RTF1: variants seen among roughly 807,000 people sequenced by gnomAD.
RTF1 encodes the protein RTF1 homolog, Paf1/RNA polymerase II complex component.
RTF1 carries 10 observed loss-of-function variants against 95.7 expected under a neutral mutation model. That is an observed-to-expected ratio of 0.10 (90% CI 0.06 to 0.18). The LOEUF (loss-of-function observed/expected upper bound fraction) is 0.18, where lower values mean the gene tolerates loss of function less well. Ranked by LOEUF, RTF1 falls within the 10% of genes least tolerant of loss-of-function variation. RTF1 has a pLI of 1.00. For missense variants in RTF1, 458 were observed against 875.6 expected, an observed-to-expected ratio of 0.52 and a Z score of 6.02; for synonymous variants, 305 against 311.8, an observed-to-expected ratio of 0.98 and a Z score of 0.23.
rs376712491 is a variant in RTF1 at position 41,461,474 on chromosome 15, A to T, written c.663-3297A>T. Reference sequence around the variant, plus strand: ...TGGGATCACAGGCGTGAGCCACCACACCGGCCTGGCTAATTTTTCTTTCTT... The same window carrying T: ...TGGGATCACAGGCGTGAGCCACCACTCCGGCCTGGCTAATTTTTCTTTCTT... On this transcript the variant is annotated intron_variant, in intron 4 of 17. Transcript: ENST00000389629. 3.5e-3 allele frequency among the ~76,000 whole-genome samples: 489 copies of T among 138,018 alleles called. 3 individuals are homozygous for T. The highest frequency in any genetic ancestry group is 0.013 in the African/African-American group (466 of 37,222). The allele number at this position is 138,018 out of a possible 152,430, so 90.5% of individuals were successfully genotyped here. A position where few individuals can be genotyped will look rare whatever the true frequency, so the allele number is the denominator to read the frequency against.
chr15:41,428,254 T>C (rs1279804155), intron 1 of RTF1, among the ~76,000 whole-genome samples: 1 of 135,238 alleles, frequency 7.4e-6, no homozygotes, highest in East Asian at 2.1e-4. Context: ...AATACTGATA[T>C]CCCTTTTTTT....
chr15:41,454,190 G>A (rs1424134652), intron 3 of RTF1, among the ~76,000 whole-genome samples: 3 of 151,936 alleles, frequency 2.0e-5, no homozygotes, highest in African/African-American at 7.3e-5. Flanking sequence ...TCTGTGTCCC[G>A]GGGTTCAAGA....
chr15:41,467,657 G>C (rs757193416), intron 6 of RTF1, among the ~76,000 whole-genome samples: 58 of 152,204 alleles, frequency 3.8e-4, no homozygotes, highest in Non-Finnish European at 5.9e-4. Context: ...GGAGGTTGCA[G>C]TGAGCTGAGA....
chr15:41,449,227 A>ATTTTTTTTTTTTTTTTTTTT (rs34660598), intron 2 of RTF1, among the ~76,000 whole-genome samples: 12 of 109,296 alleles, frequency 1.1e-4, no homozygotes, highest in African/African-American at 1.9e-4. Context: ...AGGCAGGTGA[A>ATTTTTTTTTTTTTTTTTTTT]TTTTTTTTTT....
At chr15:41,452,725 C>A (rs1394273456) in intron 2 of RTF1, among the ~76,000 whole-genome samples, 176 bp from the exon 3 acceptor site, 1 of 151,882 alleles carries the variant, frequency 6.6e-6, no homozygotes, top group African/African-American at 2.4e-5. Flanking sequence ...TAGAATGAGA[C>A]CCTGTTTCAA....
chr15:41,480,707 T>G lies in RTF1; in HGVS notation c.*20T>G. 6.4e-7 allele frequency: 1 copy of G among 1,558,936 alleles called. No individual in the cohort carries two copies. The highest frequency in any genetic ancestry group is 8.9e-7 in the Non-Finnish European group (1 of 1,129,624). ...ATTTGAGCACACCCAGCCTGCTGCT[T>G]CTGACCCTGCATGCCCCATCGCAGC... On this transcript the variant is annotated 3_prime_UTR_variant, in exon 18 of 18. Coordinates refer to ENST00000389629, the MANE Select transcript of RTF1 (RefSeq NM_015138.5).
intron 2 of RTF1, among the ~76,000 whole-genome samples, chr15:41,444,022 T>G (rs1314526105): frequency 3.3e-5 from 5 of 150,328 alleles, no homozygotes; most frequent in Non-Finnish European, 5.9e-5. Flanking sequence ...GAGCCGAGAT[T>G]GCACCACTGC....
rs762697042 is a variant in RTF1 at position 41,480,264 on chromosome 15, A to T, written c.1965A>T (p.Ser655=). The T allele has an allele frequency of 1.2e-6, 2 of 1,614,098 alleles. No homozygotes were observed. The highest frequency in any genetic ancestry group is 8.5e-7 in the Non-Finnish European group (1 of 1,179,918). ...DLNSKSASDL[S]EDLFKVHDFD... is the part of the protein sequence containing the mutation. ...ATTCTAAGTCAGCCAGTGACCTCTC[A>T]GAAGATCTGTTCAAAGTACACGATT... Residue 655 remains serine (S), a synonymous_variant, in exon 17 of 18, where the codon TCA becomes TCT. Coordinates refer to ENST00000389629, the MANE Select transcript of RTF1 (RefSeq NM_015138.5).
At chr15:41,417,354 G>C (rs1338739940) in intron 1 of RTF1, 41 bp downstream of exon 1, 4 of 1,243,436 alleles carry the variant, frequency 3.2e-6, no homozygotes, top group Non-Finnish European at 4.1e-6. Context: ...CGGAGCCAGA[G>C]GGCTGTCGGG....
At chr15:41,452,410 C>T (rs28655070) in intron 2 of RTF1, among the ~76,000 whole-genome samples, 9,955 of 152,092 alleles carry the variant, frequency 0.065, 369 homozygotes, top group East Asian at 0.16. Context: ...GCACTCTAGC[C>T]TGGGTGACAG....
At chr15:41,474,079 G>A (rs1440630835) in intron 8 of RTF1, among the ~76,000 whole-genome samples, 1 of 152,030 alleles carries the variant, frequency 6.6e-6, no homozygotes. Flanking sequence ...GTCTCTCTGT[G>A]TTGCTGAGGT....
At chr15:41,435,472 G>T in intron 1 of RTF1, among the ~76,000 whole-genome samples, 1 of 151,112 alleles carries the variant, frequency 6.6e-6, no homozygotes, top group African/African-American at 2.4e-5. Context: ...ACCGTGCCCA[G>T]TTTACCTCAG....
At chr15:41,479,999 C>T (rs1429672519) in intron 16 of RTF1, among the ~76,000 whole-genome samples, 1 of 152,126 alleles carries the variant, frequency 6.6e-6, no homozygotes, top group East Asian at 1.9e-4. Flanking sequence ...ACACTCATAC[C>T]ACAGACACAA....
At chr15:41,436,577 TCA>T (rs2050704145) in intron 1 of RTF1, among the ~76,000 whole-genome samples, 1 of 138,146 alleles carries the variant, frequency 7.2e-6, no homozygotes, top group Non-Finnish European at 1.5e-5. Flanking sequence ...TAAGCCGAGA[TCA>T]CACCACTGCA....
Position 41,453,037 on chromosome 15 carries a change from C to A in RTF1, c.446C>A (p.Ala149Asp), listed in dbSNP as rs763379311. 3.8e-6 allele frequency: 6 copies of A among 1,594,286 alleles called. No homozygotes were observed. Among genetic ancestry groups the A allele is most frequent in the Non-Finnish European group, 5.1e-6 (6 of 1,174,504 alleles). Residue 149 changes from alanine to aspartate, a missense_variant, in exon 3 of 18, where the codon GCC (alanine) becomes GAC (aspartate). Around this residue, in one of 11 missense-constraint regions of RTF1, gnomAD observed 39 missense variants for 38.4 expected, o/e 1.02. Coordinates refer to ENST00000389629, the MANE Select transcript of RTF1 (RefSeq NM_015138.5). ...SDKDSSAESS[A>D]PEEGEVSDSD... ...AAAGACAGTTCAGCTGAGAGCTCAGCCCCTGAGGAAGGTGAGCTGAGCAGC... is the reference window on the plus strand; with the variant it reads ...AAAGACAGTTCAGCTGAGAGCTCAGACCCTGAGGAAGGTGAGCTGAGCAGC...
chr15:41,448,548 GTC>G (rs1332422118), intron 2 of RTF1, among the ~76,000 whole-genome samples: 1 of 151,750 alleles, frequency 6.6e-6, no homozygotes, highest in Non-Finnish European at 1.5e-5. Context: ...TACTAACCCT[GTC>G]TCTACTAAAA....
At chr15:41,444,032 C>T (rs774050984) in intron 2 of RTF1, among the ~76,000 whole-genome samples, 5 of 150,616 alleles carry the variant, frequency 3.3e-5, no homozygotes, top group African/African-American at 4.9e-5. Flanking sequence ...TGCACCACTG[C>T]ACTCCAGCCT....
At chr15:41,438,967 C>CTTT (rs538080651) in intron 2 of RTF1, among the ~76,000 whole-genome samples, 4 of 133,154 alleles carry the variant, frequency 3.0e-5, no homozygotes, top group African/African-American at 5.5e-5. Context: ...CATTCTGTAG[C>CTTT]TTTTTTTTTT....
chr15:41,463,533 G>C (rs1043736482), intron 4 of RTF1, among the ~76,000 whole-genome samples: 1 of 151,672 alleles, frequency 6.6e-6, no homozygotes. Flanking sequence ...GCTAGCTAGA[G>C]TTCAGTGGTA....
Sources: allele counts gnomAD v4.1 joint callset (sites outside exome capture counted in the v4.1 genomes callset), GRCh38; gene constraint gnomAD v4.1.1; regional missense constraint gnomAD v4.1.1; transcripts MANE v1.5; gene names NCBI Gene and HGNC (gene_info 2026-07-23, HGNC 2026-07-21).